KCNJ3: variants seen among roughly 807,000 people sequenced by gnomAD.
KCNJ3 encodes the protein potassium inwardly rectifying channel subfamily J member 3.
In KCNJ3, 4 loss-of-function variants were observed where a neutral mutation model predicts 39.2. That is an observed-to-expected ratio of 0.10 (90% confidence interval 0.05 to 0.23). KCNJ3 has a LOEUF of 0.23. Among genes scored for constraint, KCNJ3 ranks in the 10% least tolerant of loss-of-function variants. The pLI is 1.00. For synonymous variants in KCNJ3, 230 were observed against 237.4 expected (o/e 0.97, Z 0.29); for missense variants, 276 against 634.9 (o/e 0.43, Z 6.08).
chr2:154,711,973 T>C (rs77440631), intron 2 of KCNJ3, among the ~76,000 whole-genome samples: 5,872 of 152,282 alleles, frequency 0.039, 190 homozygotes, highest in Non-Finnish European at 0.052. Context: ...TATTTAGAGA[T>C]TGCCTTTTAT....
intron 2 of KCNJ3, among the ~76,000 whole-genome samples, chr2:154,804,292 T>C (rs1434417804): frequency 6.6e-6 from 1 of 152,086 alleles, no homozygotes; most frequent in African/African-American, 2.4e-5. Flanking sequence ...TGTAAGAAAA[T>C]AATGATAAAA....
At chr2:154,773,847 G>A (rs1686285776) in intron 2 of KCNJ3, among the ~76,000 whole-genome samples, 2 of 151,974 alleles carry the variant, frequency 1.3e-5, no homozygotes, top group Admixed American at 1.3e-4. Flanking sequence ...AACTTTCTTC[G>A]ATACTTTGTC....
intron 2 of KCNJ3, among the ~76,000 whole-genome samples, chr2:154,844,790 T>C (rs953858798): frequency 9.9e-5 from 15 of 152,208 alleles, no homozygotes; most frequent in African/African-American, 3.1e-4. Context: ...TGCTGGTTGC[T>C]AAGACCTTGG....
intron 1 of KCNJ3, among the ~76,000 whole-genome samples, chr2:154,701,832 G>C (rs972881120): frequency 6.6e-6 from 1 of 152,006 alleles, no homozygotes; most frequent in African/African-American, 2.4e-5. Flanking sequence ...CGAAGGGAGA[G>C]AGTTGATCTG....
chr2:154,737,942 A>G (rs547730220), intron 2 of KCNJ3, among the ~76,000 whole-genome samples: 2 of 152,300 alleles, frequency 1.3e-5, no homozygotes, highest in Non-Finnish European at 2.9e-5. Flanking sequence ...AGGCAAAAGA[A>G]AGAAAACTAC....
chr2:154,734,182 C>G (rs1685486667), intron 2 of KCNJ3, among the ~76,000 whole-genome samples: 1 of 152,062 alleles, frequency 6.6e-6, no homozygotes. Flanking sequence ...CTGAAGATAC[C>G]TGAGAAGACA....
chr2:154,791,261 CCA>C (rs147482616), intron 2 of KCNJ3, among the ~76,000 whole-genome samples: 27,258 of 151,706 alleles, frequency 0.18, 3,030 homozygotes, highest in African/African-American at 0.32. Context: ...AAGCATATGC[CCA>C]AAATTTGGTC....
chr2:154,726,524 A>G (rs1379093690), intron 2 of KCNJ3, among the ~76,000 whole-genome samples: 1 of 152,166 alleles, frequency 6.6e-6, no homozygotes, highest in African/African-American at 2.4e-5. Context: ...AATGTAAACT[A>G]GTACAACCAC....
At chr2:154,808,196 C>T (rs1036890287) in intron 2 of KCNJ3, among the ~76,000 whole-genome samples, 1 of 151,870 alleles carries the variant, frequency 6.6e-6, no homozygotes, top group African/African-American at 2.4e-5. Context: ...TTCTCCCTGC[C>T]TCAGCCTCCT....
At chr2:154,803,853 G>A (rs1686863757) in intron 2 of KCNJ3, among the ~76,000 whole-genome samples, 1 of 151,906 alleles carries the variant, frequency 6.6e-6, no homozygotes, top group African/African-American at 2.4e-5. Flanking sequence ...TAGGCTGTGT[G>A]TGAATAAAAA....
intron 2 of KCNJ3, among the ~76,000 whole-genome samples, chr2:154,728,307 C>G (rs1191592954): frequency 6.6e-6 from 1 of 152,082 alleles, no homozygotes; most frequent in Non-Finnish European, 1.5e-5. Context: ...TTAATTTTAT[C>G]TACTTGCTTG....
rs375837909 is a variant in KCNJ3 at position 154,839,395 on chromosome 2, A to ATG, written c.920-15320_920-15319dup. ...TTGTGAATAGTGCTGCAATAAACAT[A>ATG]TGTGTGTGTGTGTCTTTATAGTAGC... On this transcript the variant is annotated intron_variant, in intron 2 of 2. Coordinates refer to ENST00000295101, the MANE Select transcript of KCNJ3 (RefSeq NM_002239.4). Among the ~76,000 whole-genome samples the ATG allele has an allele frequency of 7.4e-3, 1,125 of 152,168 alleles. 13 individuals are homozygous for ATG. The highest frequency in any genetic ancestry group is 0.025 in the African/African-American group (1,057 of 41,516).
At chr2:154,733,022 G>A (rs1176971853) in intron 2 of KCNJ3, among the ~76,000 whole-genome samples, 1 of 152,044 alleles carries the variant, frequency 6.6e-6, no homozygotes. Context: ...TTGATTTTTG[G>A]TTAACCTATT....
At chr2:154,833,557 G>C (rs949229776) in intron 2 of KCNJ3, among the ~76,000 whole-genome samples, 4 of 152,152 alleles carry the variant, frequency 2.6e-5, no homozygotes, top group Middle Eastern at 3.4e-3. Context: ...ATTCAGCCAA[G>C]TTCATAGTTT....
chr2:154,761,671 G>T (rs1432950560), intron 2 of KCNJ3, among the ~76,000 whole-genome samples: 2 of 152,020 alleles, frequency 1.3e-5, no homozygotes, highest in African/African-American at 4.8e-5. Context: ...ATTCCATTTT[G>T]TACTTTAAAG....
intron 2 of KCNJ3, among the ~76,000 whole-genome samples, chr2:154,853,338 C>T (rs1379523854): frequency 6.6e-6 from 1 of 151,924 alleles, no homozygotes; most frequent in East Asian, 1.9e-4. Context: ...TCAAATGTGG[C>T]TTCTTATTTA....
At chr2:154,819,847 AT>A (rs1292075331) in intron 2 of KCNJ3, among the ~76,000 whole-genome samples, 1 of 152,040 alleles carries the variant, frequency 6.6e-6, no homozygotes, top group African/African-American at 2.4e-5. Flanking sequence ...ATTATTATAT[AT>A]AACAAACTTA....
intron 2 of KCNJ3, among the ~76,000 whole-genome samples, chr2:154,809,948 C>T (rs1686979748): frequency 6.6e-6 from 1 of 151,928 alleles, no homozygotes. Context: ...CACATACATG[C>T]ATGCACAGAT....
chr2:154,702,122 A>G (rs962936909), intron 1 of KCNJ3, among the ~76,000 whole-genome samples: 4 of 151,982 alleles, frequency 2.6e-5, no homozygotes, highest in African/African-American at 9.7e-5. Context: ...TGGCATAATA[A>G]TATGTCCCTA....
Sources: allele counts gnomAD v4.1 joint callset (sites outside exome capture counted in the v4.1 genomes callset), GRCh38; gene constraint gnomAD v4.1.1; transcripts MANE v1.5; gene names NCBI Gene and HGNC (gene_info 2026-07-23, HGNC 2026-07-21).